The following SAMD12 variants were observed in gnomAD, a reference collection of about 807,000 sequenced individuals.
SAMD12 encodes sterile alpha motif domain-containing protein 12.
Under a neutral mutation model 15.0 loss-of-function variants are expected in SAMD12, and 9 were observed. The observed-to-expected ratio is 0.60, with a 90% CI of 0.36 to 1.05. The LOEUF is 1.05. Ranked by LOEUF, SAMD12 falls within the 50% of genes least tolerant of loss-of-function variation. SAMD12 has a pLI of 0.01. For synonymous variants in SAMD12, 86 were observed against 90.1 expected (o/e 0.96, Z 0.25); for missense variants, 230 against 234.2 (o/e 0.98, Z 0.12).
At chr8:118,513,877 A>C (rs1330678026) in intron 2 of SAMD12, among the ~76,000 whole-genome samples, 1 of 152,228 alleles carries the variant, frequency 6.6e-6, no homozygotes, top group Non-Finnish European at 1.5e-5. Flanking sequence ...ATTGCTAACC[A>C]AAAAGGAATA....
intron 3 of SAMD12, among the ~76,000 whole-genome samples, chr8:118,414,218 C>T (rs185444079): frequency 1.8e-4 from 27 of 152,262 alleles, no homozygotes; most frequent in Admixed American, 9.8e-4. Flanking sequence ...GAATCATTTT[C>T]CTTTAAATAA....
At chr8:118,523,617 C>G (rs1394406147) in intron 2 of SAMD12, among the ~76,000 whole-genome samples, 1 of 152,148 alleles carries the variant, frequency 6.6e-6, no homozygotes, top group Non-Finnish European at 1.5e-5. Context: ...CTACTCAAAA[C>G]CTACAGCTAC....
the SAMD12 span, among the ~76,000 whole-genome samples, chr8:118,142,158 T>C: frequency 1.3e-5 from 2 of 152,118 alleles, no homozygotes; most frequent in Non-Finnish European, 2.9e-5. Context: ...GCTGTGCATC[T>C]CTCCCAGGTC....
At chr8:118,215,800 C>T (rs1286450699) in intron 4 of SAMD12, among the ~76,000 whole-genome samples, 174 of 150,278 alleles carry the variant, frequency 1.2e-3, no homozygotes, top group Non-Finnish European at 2.0e-3. Context: ...GAACTCATTA[C>T]TTTTTATGGC....
intron 2 of SAMD12, among the ~76,000 whole-genome samples, chr8:118,485,363 G>C (rs749247672): frequency 3.3e-5 from 5 of 152,172 alleles, no homozygotes; most frequent in African/African-American, 4.8e-5. Context: ...GGAAGAGATG[G>C]GGGAAGGAGG....
chr8:118,414,395 T>A (rs1821580693), intron 3 of SAMD12, among the ~76,000 whole-genome samples: 1 of 151,780 alleles, frequency 6.6e-6, no homozygotes. Flanking sequence ...AATTTTTTTT[T>A]AAAAAAGGAG....
At chr8:118,520,408 C>A (rs542880429) in intron 2 of SAMD12, among the ~76,000 whole-genome samples, 5 of 152,126 alleles carry the variant, frequency 3.3e-5, no homozygotes, top group Non-Finnish European at 7.4e-5. Context: ...GCCATTACTT[C>A]TGTCAGGGGA....
chr8:118,441,630 G>A (rs1330788913), intron 2 of SAMD12, among the ~76,000 whole-genome samples: 3 of 152,046 alleles, frequency 2.0e-5, no homozygotes, highest in Admixed American at 6.6e-5. Flanking sequence ...ATATATGTAT[G>A]TTTTCATATA....
chr8:118,545,542 C>G (rs1233585963), intron 2 of SAMD12, among the ~76,000 whole-genome samples: 3 of 152,288 alleles, frequency 2.0e-5, no homozygotes, highest in East Asian at 3.9e-4. Context: ...CATAGGTCAT[C>G]ATTAGGACTC....
intron 3 of SAMD12, among the ~76,000 whole-genome samples, chr8:118,382,346 T>C (rs1330175122): frequency 1.3e-5 from 2 of 152,194 alleles, no homozygotes; most frequent in African/African-American, 4.8e-5. Context: ...GGGCCATCGT[T>C]AGAACACAGT....
At chr8:118,303,167 A>G (rs1586476837) in intron 4 of SAMD12, among the ~76,000 whole-genome samples, 1 of 152,222 alleles carries the variant, frequency 6.6e-6, no homozygotes, top group African/African-American at 2.4e-5. Flanking sequence ...AGAGAAGGAT[A>G]TGTGTGCATT....
chr8:118,249,341 A>G (rs1812768256), intron 4 of SAMD12, among the ~76,000 whole-genome samples: 1 of 152,170 alleles, frequency 6.6e-6, no homozygotes, highest in Non-Finnish European at 1.5e-5. Context: ...TATACTTTAA[A>G]TCATCTCTAG....
chr8:118,359,350 C>T (rs1818380386), intron 4 of SAMD12, among the ~76,000 whole-genome samples: 3 of 152,094 alleles, frequency 2.0e-5, no homozygotes, highest in Admixed American at 2.0e-4. Flanking sequence ...TTCTAGCCTC[C>T]AGGACAGCAA....
chr8:118,164,602 G>A, the SAMD12 span, among the ~76,000 whole-genome samples: 1 of 152,044 alleles, frequency 6.6e-6, no homozygotes, highest in South Asian at 2.1e-4. Context: ...CTGTAGCAGA[G>A]ATGGATAATG....
At chr8:118,208,444 T>C (rs1819928620) in intron 4 of SAMD12, among the ~76,000 whole-genome samples, 1 of 152,208 alleles carries the variant, frequency 6.6e-6, no homozygotes, top group Non-Finnish European at 1.5e-5. Context: ...GTTCTACAAG[T>C]TGTCAGGTGA....
At chr8:118,401,782 T>C (rs527964431) in intron 3 of SAMD12, among the ~76,000 whole-genome samples, 1 of 152,286 alleles carries the variant, frequency 6.6e-6, no homozygotes, top group East Asian at 1.9e-4. Flanking sequence ...ATTGCTGGGA[T>C]TGAACACACA....
At chr8:118,501,039 A>G (rs1373860396) in intron 2 of SAMD12, among the ~76,000 whole-genome samples, 1 of 152,078 alleles carries the variant, frequency 6.6e-6, no homozygotes, top group Non-Finnish European at 1.5e-5. Flanking sequence ...AATGGGGGGA[A>G]TGCCTCTCTA....
At chr8:118,272,131 T>G (rs940924033) in intron 4 of SAMD12, among the ~76,000 whole-genome samples, 3 of 152,230 alleles carry the variant, frequency 2.0e-5, no homozygotes, top group Non-Finnish European at 2.9e-5. Context: ...TGCCAGGACA[T>G]CCAGGCATTT....
At chr8:118,192,657 A>G (rs916009859) in exon 5 of SAMD12, 1 of 152,198 alleles carries the variant, frequency 6.6e-6, no homozygotes, top group African/African-American at 2.4e-5. Context: ...CTCCCAAACC[A>G]TTGGCTCCAA....
Sources: allele counts gnomAD v4.1 joint callset (sites outside exome capture counted in the v4.1 genomes callset), GRCh38; gene constraint gnomAD v4.1.1; transcripts MANE v1.5; gene names NCBI Gene and HGNC (gene_info 2026-07-23, HGNC 2026-07-21).